TNIK: variants seen among roughly 807,000 people sequenced by gnomAD.
The protein encoded by TNIK is TRAF2 and NCK interacting kinase.
Under a neutral mutation model 191.3 loss-of-function variants are expected in TNIK, and 49 were observed. The ratio of observed to expected loss-of-function variants is 0.26; its 90% CI spans 0.20 to 0.32. The LOEUF (loss-of-function observed/expected upper bound fraction) is 0.32. Among genes scored for constraint, TNIK ranks in the 10% least tolerant of loss-of-function variants. The probability of loss-of-function intolerance (pLI) is 1.00; values close to 1 mark genes in which losing one functional copy is unlikely to be tolerated. For synonymous variants in TNIK, 594 were observed against 600.9 expected, an observed-to-expected ratio of 0.99 and a Z score of 0.17; for missense variants, 1,155 against 1,702.3, an observed-to-expected ratio of 0.68 and a Z score of 5.66.
At chr3:171,387,993 C>T (rs1230464401) in intron 1 of TNIK, among the ~76,000 whole-genome samples, 1 of 121,418 alleles carries the variant, frequency 8.2e-6, no homozygotes, top group Non-Finnish European at 1.8e-5. Flanking sequence ...GGGGAGGGGA[C>T]GGGGGGGAGC....
chr3:171,368,780 T>C (rs368621656), intron 2 of TNIK, among the ~76,000 whole-genome samples: 18 of 152,160 alleles, frequency 1.2e-4, no homozygotes, highest in African/African-American at 4.3e-4. Context: ...TAATTTGTAA[T>C]GGAAATGCCA....
chr3:171,314,525 G>A (rs1318749312), intron 2 of TNIK, among the ~76,000 whole-genome samples: 1 of 152,104 alleles, frequency 6.6e-6, no homozygotes, highest in Non-Finnish European at 1.5e-5. Flanking sequence ...ATATGATCTT[G>A]GATGTATAAA....
intron 1 of TNIK, among the ~76,000 whole-genome samples, chr3:171,423,724 A>C (rs918370339): frequency 2.2e-4 from 33 of 152,174 alleles, no homozygotes; most frequent in East Asian, 9.6e-4. Context: ...CAAAAACAAG[A>C]AATGGGGAAA....
intron 2 of TNIK, among the ~76,000 whole-genome samples, chr3:171,353,676 A>C (rs1378335908): frequency 1.3e-5 from 2 of 152,206 alleles, no homozygotes; most frequent in Admixed American, 1.3e-4. Context: ...TAAACTATCA[A>C]GAGTTCTGAA....
At chr3:171,321,890 C>A (rs1173859150) in intron 2 of TNIK, among the ~76,000 whole-genome samples, 1 of 152,166 alleles carries the variant, frequency 6.6e-6, no homozygotes, top group Non-Finnish European at 1.5e-5. Flanking sequence ...AATGTCAGTT[C>A]CAATTTAACC....
At chr3:171,452,657 A>G (rs1440039209) in intron 1 of TNIK, among the ~76,000 whole-genome samples, 1 of 151,550 alleles carries the variant, frequency 6.6e-6, no homozygotes, top group African/African-American at 2.4e-5. Context: ...TTTCCCGCCC[A>G]TCTATTACTG....
intron 2 of TNIK, among the ~76,000 whole-genome samples, chr3:171,248,533 T>G (rs1398600679): frequency 6.6e-6 from 1 of 152,084 alleles, no homozygotes; most frequent in Non-Finnish European, 1.5e-5. Context: ...GTTATTAAAG[T>G]TTCATGGGGA....
intron 10 of TNIK, among the ~76,000 whole-genome samples, chr3:171,164,678 G>A (rs559010184): frequency 6.6e-6 from 1 of 152,330 alleles, no homozygotes; most frequent in South Asian, 2.1e-4. Context: ...CCTTTTGAGA[G>A]AAGTTAGCAT....
chr3:171,322,716 C>T (rs770113024), intron 2 of TNIK, among the ~76,000 whole-genome samples: 1 of 152,050 alleles, frequency 6.6e-6, no homozygotes, highest in Non-Finnish European at 1.5e-5. Flanking sequence ...GCTCTATGTC[C>T]CTCATTTCAG....
chr3:171,120,682 A>G (rs1319804551), intron 18 of TNIK, among the ~76,000 whole-genome samples: 1 of 152,124 alleles, frequency 6.6e-6, no homozygotes. Flanking sequence ...CATAATATAC[A>G]GAGGTAGAAC....
Position 171,457,519 on chromosome 3 carries a change from A to T in TNIK, c.57+2488T>A, listed in dbSNP as rs376402205. Among the ~76,000 whole-genome samples the T allele has an allele frequency of 5.9e-5, 9 of 152,304 alleles. No individual in the cohort carries two copies. In the South Asian group the frequency reaches 1.9e-3, roughly 32 times the overall value. ...TCCCCAGGAGGGGCTCAGCAGGCAG[A>T]CTTTACCAAGGGCTTAGGAACAAAT... On this transcript the variant is annotated intron_variant, in intron 1 of 32. Coordinates refer to ENST00000436636, the MANE Select transcript of TNIK (RefSeq NM_015028.4).
Position 171,167,088 on chromosome 3 carries a change from G to T in TNIK, c.949+7C>A, listed in dbSNP as rs376897265. On this transcript the variant is annotated splice_region_variant and intron_variant, in intron 10 of 32. Transcript: ENST00000436636. ...TTCTGCTGCTGAAATACAAATGTGC[G>T]TCTAACCTTTTTCTCCTCGCTTCTT... 1 of 1,608,350 alleles carries T rather than the reference G, an allele frequency of 6.2e-7. No individual in the cohort carries two copies. The highest frequency in any genetic ancestry group is 8.5e-7 in the Non-Finnish European group (1 of 1,176,594).
At chr3:171,338,103 A>G (rs1757142757) in intron 2 of TNIK, among the ~76,000 whole-genome samples, 1 of 152,142 alleles carries the variant, frequency 6.6e-6, no homozygotes, top group Admixed American at 6.5e-5. Context: ...TATAATGGTA[A>G]TGTGGATTGC....
intron 7 of TNIK, among the ~76,000 whole-genome samples, chr3:171,183,809 T>C (rs1288208504): frequency 6.6e-6 from 1 of 150,752 alleles, no homozygotes; most frequent in African/African-American, 2.4e-5. Flanking sequence ...TAATCCCAGC[T>C]ACTCAGGAGG....
intron 1 of TNIK, among the ~76,000 whole-genome samples, chr3:171,452,844 T>C (rs1195113863): frequency 6.6e-6 from 1 of 151,864 alleles, no homozygotes; most frequent in Non-Finnish European, 1.5e-5. Context: ...GAGAGAACAC[T>C]TTCCTTGGCA....
intron 3 of TNIK, among the ~76,000 whole-genome samples, chr3:171,222,483 T>C (rs1158536154): frequency 6.6e-6 from 1 of 152,086 alleles, no homozygotes; most frequent in Non-Finnish European, 1.5e-5. Context: ...CCTATCGTCA[T>C]TATTATTATT....
chr3:171,343,649 G>C (rs895208250), intron 2 of TNIK, among the ~76,000 whole-genome samples: 1 of 152,192 alleles, frequency 6.6e-6, no homozygotes, highest in Non-Finnish European at 1.5e-5. Flanking sequence ...TTGAGACTAA[G>C]CCTGCTGCAT....
intron 1 of TNIK, among the ~76,000 whole-genome samples, chr3:171,427,613 C>A (rs1032598859): frequency 1.9e-4 from 29 of 152,168 alleles, no homozygotes; most frequent in Non-Finnish European, 3.8e-4. Context: ...ACCCTCTAAG[C>A]CTTGTCTCCC....
intron 2 of TNIK, among the ~76,000 whole-genome samples, chr3:171,266,826 G>C (rs1355551508): frequency 6.6e-6 from 1 of 152,142 alleles, no homozygotes; most frequent in Non-Finnish European, 1.5e-5. Flanking sequence ...AATCAGTCCA[G>C]CTTAAGTTAA....
Sources: gnomAD v4.1 joint callset for allele counts (sites outside exome capture counted in the v4.1 genomes callset) on GRCh38, gnomAD v4.1.1 for gene constraint, MANE v1.5 for transcripts, NCBI Gene and HGNC (gene_info 2026-07-23, HGNC 2026-07-21) for gene names.